PRSS48: variants seen among roughly 807,000 people sequenced by gnomAD.
PRSS48 encodes serine protease 48.
A neutral mutation model predicts 25.6 loss-of-function variants in PRSS48; 21 were observed. That is an observed-to-expected ratio of 0.82 (90% CI 0.58 to 1.18). The LOEUF (loss-of-function observed/expected upper bound fraction) is 1.18, where lower values mean the gene tolerates loss of function less well. Ranked by LOEUF, PRSS48 falls within the 50% of genes most tolerant of loss-of-function variation. The pLI is 0.00. For missense variants in PRSS48, 373 were observed against 399.3 expected (o/e 0.93, Z 0.56); for synonymous variants, 150 against 149.3 (o/e 1.00, Z -0.04).
At chr4:151,287,149 TG>T (rs1379483053) in intron 4 of PRSS48, among the ~76,000 whole-genome samples, 1 of 151,750 alleles carries the variant, frequency 6.6e-6, no homozygotes, top group African/African-American at 2.4e-5. Flanking sequence ...GGGACCAGCC[TG>T]GCCTACATGG....
intron 4 of PRSS48, 115 bp downstream of exon 4, chr4:151,283,401 T>C: frequency 1.2e-6 from 1 of 850,572 alleles, no homozygotes; most frequent in East Asian, 2.6e-5. Flanking sequence ...GTTCTAAGAA[T>C]AACTCTTATG....
At chr4:151,290,689 G>A (rs571359329) in intron 4 of PRSS48, among the ~76,000 whole-genome samples, 4 of 152,116 alleles carry the variant, frequency 2.6e-5, no homozygotes, top group Admixed American at 2.6e-4. Context: ...TGACAGTAAA[G>A]CTGTTACAAA....
At position 151,291,124 on chromosome 4, in the gene PRSS48, TC is replaced by T; in HGVS notation, c.659del (p.Ser220LeufsTer18). The T allele has an allele frequency of 3.7e-6, 6 of 1,609,778 alleles. No homozygotes were observed. The highest frequency in any genetic ancestry group is 5.1e-6 in the Non-Finnish European group (6 of 1,177,898). ...CCTTTCATTTCTTCCTTAGGGTGATTCTGGAGGGCCTCTGTCGTGTCACATT... is the reference window on the plus strand; with the variant it reads ...CCTTTCATTTCTTCCTTAGGGTGATTTGGAGGGCCTCTGTCGTGTCACATT... On this transcript the variant is annotated frameshift_variant, in exon 5 of 5. Transcript: ENST00000455694. LOFTEE classifies it low-confidence loss of function (END_TRUNC).
intron 1 of PRSS48, chr4:151,279,193 C>A (rs1773933775): frequency 3.4e-6 from 1 of 291,888 alleles, no homozygotes; most frequent in Non-Finnish European, 6.5e-6. Flanking sequence ...CACCAGCACA[C>A]TAGAGAAAGA....
intron 4 of PRSS48, among the ~76,000 whole-genome samples, chr4:151,285,385 G>T (rs968279973): frequency 6.6e-6 from 1 of 152,118 alleles, no homozygotes; most frequent in African/African-American, 2.4e-5. Context: ...AAGTTGGAAG[G>T]ATTAAAATTA....
intron 4 of PRSS48, among the ~76,000 whole-genome samples, chr4:151,287,049 TAAA>T: frequency 6.7e-6 from 1 of 150,100 alleles, no homozygotes; most frequent in Non-Finnish European, 1.5e-5. Context: ...TTTTGAAAAA[TAAA>T]AGAGGGGACT....
At chr4:151,281,945 A>G (rs931570672) in intron 2 of PRSS48, among the ~76,000 whole-genome samples, 14 of 152,126 alleles carry the variant, frequency 9.2e-5, no homozygotes, top group Non-Finnish European at 1.5e-5. Flanking sequence ...CTAGGAAGAG[A>G]CCACAGAAAG....
chr4:151,283,198 T>A (rs1372023402), exon 4 of PRSS48: 1 of 1,613,874 alleles, frequency 6.2e-7, no homozygotes, highest in Non-Finnish European at 8.5e-7. Flanking sequence ...TACAATCCCA[T>A]CGGTATCTTC....
chr4:151,286,752 G>A (rs761391079), intron 4 of PRSS48, among the ~76,000 whole-genome samples: 1 of 151,822 alleles, frequency 6.6e-6, no homozygotes, highest in Non-Finnish European at 1.5e-5. Context: ...GGCCAAGGCG[G>A]ACAGGTCAAT....
Position 151,287,341 on chromosome 4 carries a change from C to CA in PRSS48, c.652-3757dup, listed in dbSNP as rs34944826. 4.4e-3 allele frequency among the ~76,000 whole-genome samples: 359 copies of CA among 82,330 alleles called. 4 individuals are homozygous for CA. Among genetic ancestry groups the CA allele is most frequent in the African/African-American group, 0.012 (278 of 22,552 alleles). The allele number at this position is 82,330 out of a possible 152,430, so 54.0% of individuals were successfully genotyped here. On this transcript the variant is annotated intron_variant, in intron 4 of 4. Coordinates refer to ENST00000455694, the Ensembl canonical transcript of PRSS48. ...CGGTTACAGAGCAAGACTCTGTCTC[C>CA]AAAAAAAAAAAAAAAAAAAAGAGGG...
chr4:151,290,849 A>G (rs931598143), intron 4 of PRSS48, among the ~76,000 whole-genome samples: 9 of 152,228 alleles, frequency 5.9e-5, no homozygotes, highest in Admixed American at 5.9e-4. Flanking sequence ...TAGTGAAAAA[A>G]TCATCTCATT....
chr4:151,285,014 T>G (rs1774610636), intron 4 of PRSS48, among the ~76,000 whole-genome samples: 1 of 152,110 alleles, frequency 6.6e-6, no homozygotes, highest in South Asian at 2.1e-4. Context: ...CTCTAATTCC[T>G]CAAGTCAGTA....
intron 1 of PRSS48, among the ~76,000 whole-genome samples, chr4:151,278,781 C>T (rs1017246522): frequency 1.3e-5 from 2 of 152,190 alleles, no homozygotes; most frequent in East Asian, 1.9e-4. Flanking sequence ...CAGGCATGCA[C>T]CATCATGTCA....
intron 4 of PRSS48, 92 bp from the exon 5 acceptor site, chr4:151,291,026 G>A (rs1775280726): frequency 2.1e-6 from 2 of 947,682 alleles, no homozygotes; most frequent in Non-Finnish European, 1.6e-6. Flanking sequence ...TGGGTCTCAT[G>A]GCCCAGTTTT....
At chr4:151,286,184 G>GAAAAAAAAAAAAA (rs56850648) in intron 4 of PRSS48, among the ~76,000 whole-genome samples, 1 of 86,624 alleles carries the variant, frequency 1.2e-5, no homozygotes, top group Non-Finnish European at 2.0e-5. Context: ...CTGTCTTAAA[G>GAAAAAAAAAAAAA]AAAAAAAAAA....
chr4:151,287,596 G>A (rs1407285913), intron 4 of PRSS48, among the ~76,000 whole-genome samples: 35 of 152,208 alleles, frequency 2.3e-4, no homozygotes. Flanking sequence ...AATTACAAAT[G>A]GGTATGTGGG....
intron 4 of PRSS48, among the ~76,000 whole-genome samples, chr4:151,287,712 T>C (rs756156059): frequency 3.9e-5 from 6 of 152,048 alleles, no homozygotes; most frequent in Admixed American, 1.3e-4. Flanking sequence ...CTGGGCAACA[T>C]AGTGAGACCT....
chr4:151,277,346 G>A lies in PRSS48; in HGVS notation c.52+122G>A, dbSNP rs552607449. On this transcript the variant is annotated intron_variant, in intron 1 of 4. Coordinates refer to ENST00000455694, the Ensembl canonical transcript of PRSS48. ...AGTTATGAGTAGCACAGCCTGAGAA[G>A]GTCCTGAGAGGCTACTATATACCCA... 9.4e-4 allele frequency: 615 copies of A among 651,314 alleles called. 2 individuals carry two copies. In the Middle Eastern group the frequency reaches 0.011, roughly 11 times the overall value. 40.3% of individuals were successfully genotyped at this position (651,314 alleles called of 1,614,324 possible).
intron 1 of PRSS48, chr4:151,279,022 G>A (rs1477257619): frequency 2.5e-5 from 7 of 281,458 alleles, no homozygotes; most frequent in African/African-American, 1.6e-4. Flanking sequence ...CTACCAGCTA[G>A]AGCTCACACT....
Sources: allele counts gnomAD v4.1 joint callset (sites outside exome capture counted in the v4.1 genomes callset), GRCh38; gene constraint gnomAD v4.1.1; transcripts MANE v1.5; gene names NCBI Gene and HGNC (gene_info 2026-07-23, HGNC 2026-07-21).